DACH2: variants seen among roughly 807,000 people sequenced by gnomAD.
DACH2 encodes the protein dachshund homolog 2.
In DACH2, 17 loss-of-function variants were observed where a neutral mutation model predicts 35.8. That is an observed-to-expected ratio of 0.48 (90% CI 0.33 to 0.71). The LOEUF is 0.71. Among genes scored for constraint, DACH2 ranks in the 30% least tolerant of loss-of-function variants. DACH2 has a pLI of 0.02. For synonymous variants in DACH2, 195 were observed against 177.3 expected (o/e 1.10, Z -0.79); for missense variants, 469 against 472.7 (o/e 0.99, Z 0.07).
At chrX:86,810,852 TA>T (rs998854304) in intron 7 of DACH2, among the ~76,000 whole-genome samples, 10 of 105,781 alleles carry the variant, frequency 9.5e-5, no homozygotes, top group East Asian at 2.9e-4. Flanking sequence ...ACTGACTTTA[TA>T]AAAAAAAAAG....
intron 1 of DACH2, among the ~76,000 whole-genome samples, chrX:86,317,119 A>AG (rs1473308814): frequency 0.01 from 1,131 of 107,773 alleles, 11 homozygotes; most frequent in African/African-American, 0.035. Flanking sequence ...TCCATCTCAA[A>AG]AAAAAAAAAA....
chrX:86,198,742 A>G (rs937052794), intron 1 of DACH2, among the ~76,000 whole-genome samples: 1 of 111,344 alleles, frequency 9.0e-6, no homozygotes, highest in Admixed American at 9.6e-5. Context: ...AAATAGACCA[A>G]TAATGAGCTC....
chrX:86,706,010 T>C (rs2041211929), intron 5 of DACH2, among the ~76,000 whole-genome samples: 2 of 111,926 alleles, frequency 1.8e-5, no homozygotes, highest in African/African-American at 3.2e-5. Context: ...CCAAGTATTG[T>C]ATATTCTCAC....
chrX:86,602,441 T>C (rs1697542568), intron 3 of DACH2, among the ~76,000 whole-genome samples: 3 of 112,151 alleles, frequency 2.7e-5, no homozygotes, highest in Non-Finnish European at 5.6e-5. Context: ...CCTGAGTGGC[T>C]GTATAATTTT....
At chrX:86,567,764 T>C (rs777189446) in intron 3 of DACH2, among the ~76,000 whole-genome samples, 1 of 111,275 alleles carries the variant, frequency 9.0e-6, no homozygotes, top group South Asian at 3.8e-4. Context: ...GTAGGGTTGG[T>C]CATTGTGGCT....
At chrX:86,281,400 C>T (rs778366206) in intron 1 of DACH2, among the ~76,000 whole-genome samples, 34 of 111,506 alleles carry the variant, frequency 3.0e-4, no homozygotes, top group African/African-American at 1.1e-3. Context: ...TGACAAAAAC[C>T]ACATGATTAT....
In DACH2 at chrX:86,298,729, C is replaced by A. The variant is rs781058208; in HGVS notation, c.489-78095C>A. Among the ~76,000 whole-genome samples, 3 of 112,000 alleles carry A rather than the reference C, an allele frequency of 2.7e-5. No homozygotes were observed. In the South Asian group the frequency reaches 1.1e-3, roughly 41 times the overall value. On this transcript the variant is annotated intron_variant, in intron 1 of 11. Transcript: ENST00000373125. ...TAATTAGATCAATCATTCCAGGTAT[C>A]TCTGAATTATTTTTACAAAAAAGGT...
At chrX:86,243,084 G>C (rs952010266) in intron 1 of DACH2, among the ~76,000 whole-genome samples, 26 of 111,682 alleles carry the variant, frequency 2.3e-4, no homozygotes, top group African/African-American at 8.5e-4. Context: ...GTCTCCAACA[G>C]AGTAGTATTA....
intron 2 of DACH2, among the ~76,000 whole-genome samples, chrX:86,482,629 T>C (rs893295980): frequency 9.3e-6 from 1 of 107,912 alleles, no homozygotes; most frequent in South Asian, 4.3e-4. Context: ...TCCACAATGG[T>C]TGAACTAGTT....
At chrX:86,162,420 A>G (rs2030795395) in intron 1 of DACH2, among the ~76,000 whole-genome samples, 1 of 111,500 alleles carries the variant, frequency 9.0e-6, no homozygotes, top group Non-Finnish European at 1.9e-5. Context: ...TAAATAGAGA[A>G]TAGACCAGGA....
intron 1 of DACH2, among the ~76,000 whole-genome samples, chrX:86,313,835 C>G (rs1308957875): frequency 1.8e-5 from 2 of 111,529 alleles, no homozygotes; most frequent in Non-Finnish European, 3.8e-5. Flanking sequence ...TGTGGCAACC[C>G]CACATTAAGC....
intron 2 of DACH2, among the ~76,000 whole-genome samples, chrX:86,467,447 A>G (rs1223511589): frequency 9.0e-6 from 1 of 111,708 alleles, no homozygotes; most frequent in Non-Finnish European, 1.9e-5. Flanking sequence ...CCATTCAACA[A>G]GTCTCTAGGA....
chrX:86,484,100 TTGTC>T (rs2037984703), intron 2 of DACH2, among the ~76,000 whole-genome samples: 1 of 111,279 alleles, frequency 9.0e-6, no homozygotes, highest in Non-Finnish European at 1.9e-5. Flanking sequence ...TTTAACTACT[TTGTC>T]TGGCTTTGCT....
At chrX:86,831,565 G>A (rs1052274353) in intron 11 of DACH2, 2 of 110,892 alleles carry the variant, frequency 1.8e-5, no homozygotes, top group African/African-American at 6.5e-5. Flanking sequence ...ACTCTAGGAT[G>A]GCATGGGCTC....
At chrX:86,251,151 T>C (rs755866444) in intron 1 of DACH2, among the ~76,000 whole-genome samples, 7 of 110,923 alleles carry the variant, frequency 6.3e-5, no homozygotes, top group African/African-American at 6.5e-5. Flanking sequence ...TTATTAAAAG[T>C]ATGTAAAGCA....
intron 6 of DACH2, among the ~76,000 whole-genome samples, chrX:86,734,818 GTCTT>G (rs2147254253): frequency 9.0e-6 from 1 of 111,644 alleles, no homozygotes; most frequent in South Asian, 3.7e-4. Flanking sequence ...TATTATTAAA[GTCTT>G]TCAAGTTACA....
intron 4 of DACH2, among the ~76,000 whole-genome samples, chrX:86,673,032 G>A (rs901533571): frequency 4.5e-5 from 5 of 111,895 alleles, no homozygotes; most frequent in Admixed American, 3.8e-4. Flanking sequence ...TGTGAGACAC[G>A]GAGTCAAAGA....
intron 1 of DACH2, among the ~76,000 whole-genome samples, chrX:86,279,639 C>A (rs756933619): frequency 1.1e-4 from 12 of 110,574 alleles, no homozygotes; most frequent in Non-Finnish European, 1.3e-4. Flanking sequence ...TCCTTCCCAG[C>A]AAGGGAACAA....
intron 3 of DACH2, among the ~76,000 whole-genome samples, chrX:86,595,411 C>T (rs2039699113): frequency 9.0e-6 from 1 of 111,577 alleles, no homozygotes; most frequent in African/African-American, 3.2e-5. Context: ...CCATGCCTGG[C>T]TAAGCTACTT....
Sources: gnomAD v4.1 joint callset for allele counts (sites outside exome capture counted in the v4.1 genomes callset) on GRCh38, gnomAD v4.1.1 for gene constraint, MANE v1.5 for transcripts, NCBI Gene and HGNC (gene_info 2026-07-23, HGNC 2026-07-21) for gene names.